Variants in ADCY5 observed in about 807,000 individuals in gnomAD.
ADCY5 encodes adenylate cyclase type 5.
Under a neutral mutation model 119.7 loss-of-function variants are expected in ADCY5, and 30 were observed. The observed-to-expected ratio is 0.25, with a 90% CI of 0.19 to 0.34. The LOEUF is 0.34. Ranked by LOEUF, ADCY5 falls within the 10% of genes least tolerant of loss-of-function variation. The pLI, the probability that ADCY5 is intolerant of heterozygous loss-of-function variation, is 1.00. For synonymous variants in ADCY5, 753 were observed against 762.2 expected, an observed-to-expected ratio of 0.99 and a Z score of 0.20; for missense variants, 1,324 against 1,775.2, an observed-to-expected ratio of 0.75 and a Z score of 4.57.
At chr3:123,420,535 T>G (rs768933422) in intron 1 of ADCY5, among the ~76,000 whole-genome samples, 2 of 152,160 alleles carry the variant, frequency 1.3e-5, no homozygotes, top group Non-Finnish European at 2.9e-5. Context: ...GCCCTACAGA[T>G]GGCCGCATCT....
Position 123,358,195 on chromosome 3 carries a change from T to TGTGA in ADCY5, c.1135-5615_1135-5614insTCAC, listed in dbSNP as rs58986112. 4.7e-3 allele frequency among the ~76,000 whole-genome samples: 699 copies of TGTGA among 149,186 alleles called. 12 individuals are homozygous for TGTGA. The highest frequency in any genetic ancestry group is 0.021 in the East Asian group (104 of 4,964). On this transcript the variant is annotated intron_variant, in intron 1 of 20. Coordinates refer to ENST00000462833, the MANE Select transcript of ADCY5 (RefSeq NM_183357.3). The stretch of plus-strand genomic sequence containing the variant: ...GTGTGTGTGTGTGTGTGTGTGTGTG[T>TGTGA]AGGGAGTTGGTGGTATGGCGGAGCA...
intron 1 of ADCY5, among the ~76,000 whole-genome samples, chr3:123,378,621 C>A (rs1188623387): frequency 1.3e-5 from 2 of 152,204 alleles, no homozygotes; most frequent in African/African-American, 4.8e-5. Context: ...CTGAGGAGGG[C>A]AGTTTGACAC....
chr3:123,295,987 A>G (rs1576533132), intron 17 of ADCY5, 97 bp downstream of exon 17: 1 of 1,531,192 alleles, frequency 6.5e-7, no homozygotes, highest in East Asian at 2.3e-5. Context: ...GTGTAAGACG[A>G]AGGCCCGGCT....
At chr3:123,398,009 G>C (rs1374281462) in intron 1 of ADCY5, among the ~76,000 whole-genome samples, 1 of 152,180 alleles carries the variant, frequency 6.6e-6, no homozygotes, top group African/African-American at 2.4e-5. Context: ...CTACCTGACT[G>C]CAAGGCACTG....
rs1325604831 is a variant in ADCY5, at chr3:123,447,609, G to T, written c.937C>A (p.Gln313Lys). 1.9e-6 allele frequency: 3 copies of T among 1,607,684 alleles called. No individual in the cohort carries two copies. Among genetic ancestry groups the T allele is most frequent in the African/African-American group, 1.3e-5 (1 of 75,024 alleles). Reference sequence around the variant, plus strand: ...TGCGGCAGCAGCAGGCCCACCACCTGGACGGCCAGCACCACGGCGATGAGC... The same window carrying T: ...TGCGGCAGCAGCAGGCCCACCACCTTGACGGCCAGCACCACGGCGATGAGC... ...YALIAVVLAV[Q>K]VVGLLLPQPR... Residue 313 changes from glutamine (Q) to lysine (K), a missense_variant, in exon 1 of 21, where the codon CAG (glutamine) becomes AAG (lysine). Around this residue, in one of 6 missense-constraint regions of ADCY5, gnomAD observed 585 missense variants for 569.9 expected, o/e 1.03. Transcript: ENST00000462833.
intron 13 of ADCY5, among the ~76,000 whole-genome samples, 155 bp from the exon 14 acceptor site, chr3:123,303,374 G>A (rs529444646): frequency 1.3e-5 from 2 of 152,324 alleles, no homozygotes; most frequent in East Asian, 1.9e-4. Context: ...TGAGGAACGG[G>A]CAAAGTCTGC....
chr3:123,333,839 C>G (rs1323362359), intron 3 of ADCY5, among the ~76,000 whole-genome samples: 6 of 152,192 alleles, frequency 3.9e-5, no homozygotes, highest in Admixed American at 1.3e-4. Context: ...AGAAAGGACT[C>G]TAGCCCCAAG....
In ADCY5 at chr3:123,314,464, G is replaced by A. The variant is rs1576559057; in HGVS notation, c.2355-142C>T. The A allele has an allele frequency of 1.1e-5, 7 of 651,108 alleles. No homozygotes were observed. The East Asian group carries it at 1.9e-4, about 18-fold the overall frequency. The allele number at this position is 651,108 out of a possible 1,614,324, so 40.3% of individuals were successfully genotyped here. A position where few individuals can be genotyped will look rare whatever the true frequency, so the allele number is the denominator to read the frequency against. On this transcript the variant is annotated intron_variant, in intron 11 of 20. Coordinates refer to ENST00000462833, the MANE Select transcript of ADCY5 (RefSeq NM_183357.3). Reference sequence around the variant, plus strand: ...GAGGGCCTGGGCTCTGAAATCCAGAGAGGGAACCTGAAGTTGCTCCACCTC... The same window carrying A: ...GAGGGCCTGGGCTCTGAAATCCAGAAAGGGAACCTGAAGTTGCTCCACCTC...
Position 123,409,821 on chromosome 3 carries a change from G to A in ADCY5, c.1134+37591C>T, listed in dbSNP as rs79283852. 0.018 allele frequency among the ~76,000 whole-genome samples: 2,774 copies of A among 152,154 alleles called. 192 individuals are homozygous for A. In the East Asian group the frequency reaches 0.23, roughly 12 times the overall value. ...CCCCAGAGACATTCCCTCACTCACCGGCCCCTCCCACCCTCCAAGCCCCAG... is the reference window on the plus strand; with the variant it reads ...CCCCAGAGACATTCCCTCACTCACCAGCCCCTCCCACCCTCCAAGCCCCAG... On this transcript the variant is annotated intron_variant, in intron 1 of 20. Transcript: ENST00000462833.
intron 1 of ADCY5, among the ~76,000 whole-genome samples, chr3:123,396,727 G>GAGGGAGGAAGGAAGGA (rs1274628626): frequency 2.6e-4 from 12 of 45,664 alleles, no homozygotes; most frequent in African/African-American, 8.9e-4. Flanking sequence ...AGAAGGGAGG[G>GAGGGAGGAAGGAAGGA]AGGAAGGAAG....
At chr3:123,406,543 CAA>C (rs1334593240) in intron 1 of ADCY5, among the ~76,000 whole-genome samples, 4 of 152,216 alleles carry the variant, frequency 2.6e-5, no homozygotes, top group African/African-American at 9.6e-5. Context: ...CCCTGATCAG[CAA>C]AGCGGCGTTT....
intron 20 of ADCY5, among the ~76,000 whole-genome samples, 155 bp from the exon 21 acceptor site, chr3:123,284,891 C>CA (rs1433261386): frequency 6.6e-6 from 1 of 152,226 alleles, no homozygotes; most frequent in Non-Finnish European, 1.5e-5. Flanking sequence ...CAGGGACTGA[C>CA]AGACAGCAGC....
At chr3:123,356,199 G>A (rs573136478) in intron 1 of ADCY5, among the ~76,000 whole-genome samples, 35 of 152,224 alleles carry the variant, frequency 2.3e-4, no homozygotes, top group African/African-American at 7.9e-4. Flanking sequence ...AAAACCCTTA[G>A]AAGAAAACAT....
chr3:123,380,818 G>A (rs1160571463), intron 1 of ADCY5, among the ~76,000 whole-genome samples: 3 of 152,206 alleles, frequency 2.0e-5, no homozygotes, highest in African/African-American at 7.2e-5. Flanking sequence ...GAAAGGGATG[G>A]ACACAGATGG....
chr3:123,330,770 G>A (rs907489938), intron 5 of ADCY5, 119 bp downstream of exon 5: 1 of 1,359,412 alleles, frequency 7.4e-7, no homozygotes, highest in African/African-American at 1.5e-5. Context: ...GCACCTTTTG[G>A]CAGACAGTTT....
chr3:123,364,098 T>G (rs1232463751), intron 1 of ADCY5, among the ~76,000 whole-genome samples: 1 of 152,216 alleles, frequency 6.6e-6, no homozygotes, highest in Non-Finnish European at 1.5e-5. Flanking sequence ...CATTTCAAAA[T>G]GTTAACAGTG....
At chr3:123,367,991 G>A in intron 1 of ADCY5, 1 of 1,510,258 alleles carries the variant, frequency 6.6e-7, no homozygotes, top group Non-Finnish European at 8.8e-7. Flanking sequence ...GCTGCCCTGT[G>A]GGGATGGAGG....
intron 3 of ADCY5, among the ~76,000 whole-genome samples, chr3:123,333,253 T>G (rs1264050438): frequency 6.6e-6 from 1 of 152,172 alleles, no homozygotes; most frequent in Non-Finnish European, 1.5e-5. Flanking sequence ...AGAGGGCCCT[T>G]GCCAGACTCT....
chr3:123,328,975 C>G (rs1188522763), intron 5 of ADCY5, among the ~76,000 whole-genome samples, 173 bp from the exon 6 acceptor site: 3 of 152,190 alleles, frequency 2.0e-5, no homozygotes, highest in Non-Finnish European at 2.9e-5. Context: ...GGGCGGGCGG[C>G]AGGTGCAGTC....
Sources: allele counts gnomAD v4.1 joint callset (sites outside exome capture counted in the v4.1 genomes callset), GRCh38; gene constraint gnomAD v4.1.1; regional missense constraint gnomAD v4.1.1; transcripts MANE v1.5; gene names NCBI Gene and HGNC (gene_info 2026-07-23, HGNC 2026-07-21).